The following CARS1 variants were observed in gnomAD, a reference collection of about 807,000 sequenced individuals.
CARS1 encodes cysteinyl-tRNA synthetase 1, also known as cysteine--tRNA ligase, cytoplasmic.
CARS1 carries 48 observed loss-of-function variants against 106.2 expected under a neutral mutation model. The ratio of observed to expected loss-of-function variants is 0.45; its 90% CI spans 0.36 to 0.57. CARS1 has a LOEUF of 0.57. CARS1 is among the 20% of genes least tolerant of loss of function. The pLI is 0.00. For synonymous variants in CARS1, 409 were observed against 403.4 expected, an observed-to-expected ratio of 1.01 and a Z score of -0.17; for missense variants, 968 against 1,057.2, an observed-to-expected ratio of 0.92 and a Z score of 1.17.
At chr11:3,023,823 T>C (rs1429540951) in intron 10 of CARS1, among the ~76,000 whole-genome samples, 1 of 152,236 alleles carries the variant, frequency 6.6e-6, no homozygotes, top group East Asian at 1.9e-4. Context: ...TTTTACTTTA[T>C]TTCCTCCTAT....
chr11:3,024,140 C>T (rs1015387224), intron 10 of CARS1, among the ~76,000 whole-genome samples: 1 of 152,250 alleles, frequency 6.6e-6, no homozygotes, highest in African/African-American at 2.4e-5. Flanking sequence ...ATCCGCCTGC[C>T]TTGGCCTCCC....
chr11:3,040,883 G>A lies in CARS1; in HGVS notation c.455+13C>T, dbSNP rs749371801. On this transcript the variant is annotated intron_variant, in intron 4 of 22. Transcript: ENST00000380525. This position sits in a 1 kb window ranked among gnomAD's most constrained non-coding sequence, Gnocchi z 5.8. ...ACTGCAGAAGCTGCAGGGACACCCC[G>A]CGGTGGACCTACCTGGCGTGCCCCA... is the stretch of plus-strand genomic sequence containing the variant. 2.0e-5 allele frequency: 33 copies of A among 1,612,868 alleles called. 1 individual carries two copies. Among genetic ancestry groups the A allele is most frequent in the African/African-American group, 6.7e-5 (5 of 74,872 alleles).
chr11:3,032,794 G>A (rs375406974), intron 7 of CARS1, among the ~76,000 whole-genome samples: 23 of 151,632 alleles, frequency 1.5e-4, no homozygotes, highest in African/African-American at 5.1e-4. Flanking sequence ...GTTCAGGGCA[G>A]TGAAACTATT....
intron 17 of CARS1, among the ~76,000 whole-genome samples, chr11:3,012,881 T>TC (rs1203177291): frequency 6.9e-6 from 1 of 144,436 alleles, no homozygotes; most frequent in African/African-American, 2.6e-5. Context: ...CTACTATATT[T>TC]CCCTTTTTTT....
chr11:3,041,140 G>C lies in CARS1; in HGVS notation c.367-156C>G. The C allele has an allele frequency of 4.1e-6, 5 of 1,223,130 alleles. No homozygotes were observed. Among genetic ancestry groups the C allele is most frequent in the Non-Finnish European group, 4.6e-6 (4 of 878,316 alleles). The allele number at this position is 1,223,130 out of a possible 1,614,324, so 75.8% of individuals were successfully genotyped here. Reference sequence around the variant, plus strand: ...TTTACTGTGAAAAGTCACAGTCTCAGTGGGAGCCCAGTGAGATGTACGGCA... The same window carrying C: ...TTTACTGTGAAAAGTCACAGTCTCACTGGGAGCCCAGTGAGATGTACGGCA... On this transcript the variant is annotated intron_variant, in intron 3 of 22. Coordinates refer to ENST00000380525, the MANE Select transcript of CARS1 (RefSeq NM_001014437.3). This position sits in a 1 kb window ranked among gnomAD's most constrained non-coding sequence, Gnocchi z 4.9.
At chr11:3,009,012 G>T (rs1565021328) in intron 18 of CARS1, 1 of 152,410 alleles carries the variant, frequency 6.6e-6, no homozygotes, top group South Asian at 2.1e-4. Context: ...CTCCCTGGGG[G>T]AAAGGGACAC....
intron 1 of CARS1, among the ~76,000 whole-genome samples, chr11:3,051,496 G>A (rs1855693187): frequency 6.6e-6 from 1 of 152,208 alleles, no homozygotes; most frequent in South Asian, 2.1e-4. Flanking sequence ...GCAGCTCCAA[G>A]CACCCCAAAG....
In CARS1 at chr11:3,029,984, T is replaced by C. The variant is rs1852543210; in HGVS notation, c.802-541A>G. The C allele has an allele frequency of 6.5e-6, 1 of 152,830 alleles. No individual in the cohort carries two copies. 9.5% of individuals were successfully genotyped at this position (152,830 alleles called of 1,614,324 possible). ...ATGGAATGGGAGTAAAAACCACCAATCCCAGCAAAACATGGCACCTATGTG... is the reference window on the plus strand; with the variant it reads ...ATGGAATGGGAGTAAAAACCACCAACCCCAGCAAAACATGGCACCTATGTG... On this transcript the variant is annotated intron_variant, in intron 7 of 22. Transcript: ENST00000380525. The surrounding 1 kb of genome is among the most constrained non-coding windows in gnomAD (Gnocchi z 5.9).
chr11:3,046,852 G>A lies in CARS1; in HGVS notation c.274+901C>T, dbSNP rs1855139688. Among the ~76,000 whole-genome samples the A allele has an allele frequency of 6.6e-6, 1 of 152,214 alleles. No individual in the cohort carries two copies. Among genetic ancestry groups the A allele is most frequent in the Non-Finnish European group, 1.5e-5 (1 of 68,050 alleles). ...ATTTGCCACAGAGTGACAAAGCCAT[G>A]CAGGCATCCCAGGAGTATCTCCCGC... is the stretch of plus-strand genomic sequence containing the variant. On this transcript the variant is annotated intron_variant, in intron 2 of 22. Transcript: ENST00000380525. This position sits in a 1 kb window ranked among gnomAD's most constrained non-coding sequence, Gnocchi z 5.8.
chr11:3,036,729 T>A (rs1178221295), intron 7 of CARS1, among the ~76,000 whole-genome samples: 1 of 152,180 alleles, frequency 6.6e-6, no homozygotes, highest in East Asian at 1.9e-4. Flanking sequence ...ACACCCAGGT[T>A]TATAGCAGCA....
Position 3,048,327 on chromosome 11 carries a change from T to C in CARS1, c.26-326A>G, listed in dbSNP as rs1452949118. ...TTCACTTTATGTCATATAAATTACT[T>C]AGTTTTTACATTTTTAATTTATGTT... is the stretch of plus-strand genomic sequence containing the variant. On this transcript the variant is annotated intron_variant, in intron 1 of 22. Transcript: ENST00000380525. This position sits in a 1 kb window ranked among gnomAD's most constrained non-coding sequence, Gnocchi z 5.1. The C allele has an allele frequency of 4.3e-6, 1 of 234,066 alleles. No individual in the cohort carries two copies. Among genetic ancestry groups the C allele is most frequent in the African/African-American group, 2.2e-5 (1 of 44,450 alleles). The allele number at this position is 234,066 out of a possible 1,614,324, so 14.5% of individuals were successfully genotyped here.
chr11:3,006,966 GAGA>G lies in CARS1; in HGVS notation c.2069-10_2069-8del, dbSNP rs781234290. On this transcript the variant is annotated splice_region_variant and splice_polypyrimidine_tract_variant and intron_variant, in intron 18 of 22. Coordinates refer to ENST00000380525, the MANE Select transcript of CARS1 (RefSeq NM_001014437.3). ...AGCTGCAGAATCTCAGGGACTGTAG[GAGA>G]AGCAGAGCAGTTCCCTCAGACATGG... The G allele has an allele frequency of 6.2e-7, 1 of 1,612,376 alleles. No homozygotes were observed. The highest frequency in any genetic ancestry group is 2.2e-5 in the East Asian group (1 of 44,874).
In CARS1 at chr11:3,040,922, A is replaced by G. The variant is rs1310587412; in HGVS notation, c.429T>C (p.Tyr143=). The G allele has an allele frequency of 1.9e-6, 3 of 1,614,202 alleles. No individual in the cohort carries two copies. The highest frequency in any genetic ancestry group is 1.1e-5 in the South Asian group (1 of 91,088). ...VTWYCCGPTV[Y]DASHMGHARS... is the part of the protein sequence containing the mutation. ...TGGCGTGCCCCATGTGAGATGCGTC[A>G]TAGACGGTTGGCCCACAGCAATACC... The change falls in exon 4 of 23, where the codon TAT becomes TAC. Residue 143 remains tyrosine (Y), a synonymous_variant. Transcript: ENST00000380525. This position sits in a 1 kb window ranked among gnomAD's most constrained non-coding sequence, Gnocchi z 5.8.
chr11:3,039,730 A>C lies in CARS1; in HGVS notation c.552+105T>G, dbSNP rs142731933. ...GATTAAAATGATGTTTATCAGGTGA[A>C]AACACAAGCTAGCTCAAGCCTACAT... On this transcript the variant is annotated intron_variant, in intron 5 of 22. Coordinates refer to ENST00000380525, the MANE Select transcript of CARS1 (RefSeq NM_001014437.3). The surrounding 1 kb of genome is among the most constrained non-coding windows in gnomAD (Gnocchi z 5.6). 1.0e-3 allele frequency: 599 copies of C among 601,712 alleles called. 2 individuals carry two copies. The African/African-American group carries it at 0.01, about 10-fold the overall frequency. 37.3% of individuals were successfully genotyped at this position (601,712 alleles called of 1,614,324 possible).
In CARS1 at chr11:3,028,309, G is replaced by A. The variant is rs1053606549; in HGVS notation, c.1031+687C>T. 22 of 534,612 alleles carry A rather than the reference G, an allele frequency of 4.1e-5. No homozygotes were observed. Among genetic ancestry groups the A allele is most frequent in the Admixed American group, 1.3e-4 (5 of 37,340 alleles). The allele number at this position is 534,612 out of a possible 1,614,324, so 33.1% of individuals were successfully genotyped here. On this transcript the variant is annotated intron_variant, in intron 9 of 22. Coordinates refer to ENST00000380525, the MANE Select transcript of CARS1 (RefSeq NM_001014437.3). This position sits in a 1 kb window ranked among gnomAD's most constrained non-coding sequence, Gnocchi z 4.4. ...CAGCCTGGCATTCGGGGCCACTACC[G>A]GTCTCCGCGTCTTGGTGGTAGTGGT...
In CARS1 at chr11:3,017,300, G is replaced by A. The variant is rs1316200565; in HGVS notation, c.1728-5C>T. 2 of 1,610,060 alleles carry A rather than the reference G, an allele frequency of 1.2e-6. No individual in the cohort carries two copies. Among genetic ancestry groups the A allele is most frequent in the Admixed American group, 1.7e-5 (1 of 59,926 alleles). On this transcript the variant is annotated splice_polypyrimidine_tract_variant and splice_region_variant and intron_variant, in intron 15 of 22. Coordinates refer to ENST00000380525, the MANE Select transcript of CARS1 (RefSeq NM_001014437.3). The surrounding 1 kb of genome is among the most constrained non-coding windows in gnomAD (Gnocchi z 4.9). ...GCTGTCTTCTTGTCATAAAAGCTGAGCAACAAAGAGGAAGGAATGTGAAGT... is the reference window on the plus strand; with the variant it reads ...GCTGTCTTCTTGTCATAAAAGCTGAACAACAAAGAGGAAGGAATGTGAAGT...
rs550307130 is a variant in CARS1 at position 3,044,932 on chromosome 11, A to T, written c.275-2676T>A. ...CCCAAGCAAGGGGTTCATGGAGAGA[A>T]ATCCTTCATCAGGAAGTTAAGGGTC... On this transcript the variant is annotated intron_variant, in intron 2 of 22. Coordinates refer to ENST00000380525, the MANE Select transcript of CARS1 (RefSeq NM_001014437.3). This position sits in a 1 kb window ranked among gnomAD's most constrained non-coding sequence, Gnocchi z 4.4. Among the ~76,000 whole-genome samples the T allele has an allele frequency of 1.3e-5, 2 of 152,224 alleles. No homozygotes were observed. The highest frequency in any genetic ancestry group is 2.1e-4 in the South Asian group (1 of 4,824).
Position 3,045,076 on chromosome 11 carries a change from G to T in CARS1, c.274+2677C>A, listed in dbSNP as rs1447108491. ...TATAGCTGACACTCCTTCCCGGGGG[G>T]TAGGGAGAGGCCGGCGGGCTGGAAG... On this transcript the variant is annotated intron_variant, in intron 2 of 22. Coordinates refer to ENST00000380525, the MANE Select transcript of CARS1 (RefSeq NM_001014437.3). The surrounding 1 kb of genome is among the most constrained non-coding windows in gnomAD (Gnocchi z 5.6). Among the ~76,000 whole-genome samples, 3 of 152,018 alleles carry T rather than the reference G, an allele frequency of 2.0e-5. 1 individual carries two copies. The highest frequency in any genetic ancestry group is 2.0e-4 in the Admixed American group (3 of 15,284).
At chr11:3,012,583 A>T (rs372824742) in intron 17 of CARS1, among the ~76,000 whole-genome samples, 81 of 152,332 alleles carry the variant, frequency 5.3e-4, no homozygotes, top group Middle Eastern at 6.8e-3. Context: ...CTCAGGTCAG[A>T]CACGCTGCTG....
Sources: allele counts gnomAD v4.1 joint callset (sites outside exome capture counted in the v4.1 genomes callset), GRCh38; gene constraint gnomAD v4.1.1; non-coding constraint Gnocchi (gnomAD v3.1); transcripts MANE v1.5; gene names NCBI Gene and HGNC (gene_info 2026-07-23, HGNC 2026-07-21).